PIK3C2G: variants seen among roughly 807,000 people sequenced by gnomAD.
PIK3C2G encodes phosphatidylinositol-4-phosphate 3-kinase catalytic subunit type 2 gamma, also known as phosphatidylinositol 3-kinase C2 domain-containing subunit gamma.
In PIK3C2G, 168 loss-of-function variants were observed where a neutral mutation model predicts 181.1. The observed-to-expected ratio is 0.93, with a 90% CI of 0.82 to 1.05. The LOEUF (loss-of-function observed/expected upper bound fraction) is 1.05. PIK3C2G is among the 50% of genes least tolerant of loss of function. The pLI, the probability that PIK3C2G is intolerant of heterozygous loss-of-function variation, is 0.00. For missense variants in PIK3C2G, 1,869 were observed against 1,732.8 expected (o/e 1.08, Z -1.40); for synonymous variants, 573 against 592.2 (o/e 0.97, Z 0.47).
At chr12:18,361,433 C>A (rs937432351) in intron 11 of PIK3C2G, among the ~76,000 whole-genome samples, 3 of 151,822 alleles carry the variant, frequency 2.0e-5, no homozygotes, top group Non-Finnish European at 4.4e-5. Flanking sequence ...AGGTCATGAT[C>A]CCCTCTTTCT....
At chr12:18,516,652 T>G (rs947315098) in intron 24 of PIK3C2G, among the ~76,000 whole-genome samples, 6 of 152,072 alleles carry the variant, frequency 3.9e-5, no homozygotes, top group Non-Finnish European at 7.4e-5. Context: ...ATAGGTCTTT[T>G]TCACTCTATT....
At chr12:18,300,611 T>C (rs1950135631) in intron 5 of PIK3C2G, among the ~76,000 whole-genome samples, 1 of 152,116 alleles carries the variant, frequency 6.6e-6, no homozygotes, top group South Asian at 2.1e-4. Context: ...TTTCTTTATA[T>C]TCAAGGTTAT....
At chr12:18,698,394 C>T in the PIK3C2G span, among the ~76,000 whole-genome samples, 1,064 of 151,968 alleles carry the variant, frequency 7.0e-3, 12 homozygotes, top group African/African-American at 0.025. Context: ...TTGGTTACAA[C>T]ACACAGGTTA....
intron 29 of PIK3C2G, among the ~76,000 whole-genome samples, chr12:18,577,497 A>G (rs553451961): frequency 1.3e-5 from 2 of 152,284 alleles, no homozygotes; most frequent in South Asian, 2.1e-4. Flanking sequence ...CAGGCACTAC[A>G]TTGTTTTTAT....
At chr12:18,624,597 A>C (rs1015572443) in intron 31 of PIK3C2G, among the ~76,000 whole-genome samples, 5 of 151,572 alleles carry the variant, frequency 3.3e-5, no homozygotes, top group African/African-American at 1.2e-4. Context: ...TTTTTGGCAA[A>C]GTTTGTGGCA....
the PIK3C2G span, among the ~76,000 whole-genome samples, chr12:18,673,003 C>T: frequency 6.6e-5 from 10 of 152,020 alleles, no homozygotes; most frequent in African/African-American, 2.2e-4. Context: ...GTACATGACA[C>T]AAAAGATGGC....
At chr12:18,525,873 A>G (rs1437399777) in intron 24 of PIK3C2G, among the ~76,000 whole-genome samples, 1 of 152,206 alleles carries the variant, frequency 6.6e-6, no homozygotes, top group Non-Finnish European at 1.5e-5. Context: ...ATTTACACCC[A>G]GATGATCAAA....
chr12:18,586,797 CA>C (rs1946806105), intron 29 of PIK3C2G, among the ~76,000 whole-genome samples: 1 of 151,892 alleles, frequency 6.6e-6, no homozygotes, highest in African/African-American at 2.4e-5. Flanking sequence ...AACATTGATT[CA>C]AAGATTCTCA....
chr12:18,496,108 T>C lies in PIK3C2G; in HGVS notation c.2840T>C (p.Phe947Ser). 2 of 1,544,930 alleles carry C rather than the reference T, an allele frequency of 1.3e-6. No individual in the cohort carries two copies. The highest frequency in any genetic ancestry group is 1.7e-6 in the Non-Finnish European group (2 of 1,143,594). The change falls in exon 21 of 33, where the codon TTC (phenylalanine) becomes TCC (serine). Residue 947 changes from phenylalanine (F) to serine (S), a missense_variant. By Grantham distance (155) the Phe-to-Ser change is radical. Coordinates refer to ENST00000538779, the MANE Select transcript of PIK3C2G (RefSeq NM_001288772.2). ...AATGCTTTGCCATTGAAGATTACTT[T>C]CATCAATGCTAATCCGATGGGCAAA... ...TSNALPLKIT[F>S]INANPMGKNI...
chr12:18,595,564 T>TG (rs374219483), intron 30 of PIK3C2G, among the ~76,000 whole-genome samples: 106 of 152,240 alleles, frequency 7.0e-4, no homozygotes, highest in African/African-American at 2.4e-3. Flanking sequence ...AAACATGCCT[T>TG]GGGAGAACAA....
At chr12:18,666,465 G>T in the PIK3C2G span, among the ~76,000 whole-genome samples, 3 of 152,042 alleles carry the variant, frequency 2.0e-5, no homozygotes, top group Non-Finnish European at 4.4e-5. Context: ...CAAGGTGATT[G>T]TTGCACGAGA....
At chr12:18,358,572 C>T (rs1184710286) in intron 11 of PIK3C2G, 3 of 399,816 alleles carry the variant, frequency 7.5e-6, no homozygotes, top group East Asian at 1.3e-4. Context: ...GGCAAAAAGA[C>T]AGGAAAAGAA....
chr12:18,649,876 T>C (rs970092154), downstream of PIK3C2G, among the ~76,000 whole-genome samples: 5 of 152,138 alleles, frequency 3.3e-5, no homozygotes, highest in African/African-American at 1.2e-4. Context: ...CTTCGTTGCC[T>C]TTTTGTTTCT....
At chr12:18,392,016 G>A (rs1415847487) in intron 15 of PIK3C2G, among the ~76,000 whole-genome samples, 2 of 152,064 alleles carry the variant, frequency 1.3e-5, no homozygotes, top group Non-Finnish European at 2.9e-5. Flanking sequence ...TACCTTTGAC[G>A]ACAAGTTGAA....
At chr12:18,548,624 AGTGAGGC>A (rs1944564384) in intron 26 of PIK3C2G, among the ~76,000 whole-genome samples, 1 of 152,064 alleles carries the variant, frequency 6.6e-6, no homozygotes, top group Non-Finnish European at 1.5e-5. Context: ...ACCTCATGGC[AGTGAGGC>A]GGACCTTGTG....
chr12:18,665,582 C>T, the PIK3C2G span, among the ~76,000 whole-genome samples: 5 of 152,052 alleles, frequency 3.3e-5, no homozygotes, highest in South Asian at 2.1e-4. Flanking sequence ...CACCTGAGGT[C>T]GGGAGTTGGA....
At chr12:18,685,645 C>G in the PIK3C2G span, 1 of 516,610 alleles carries the variant, frequency 1.9e-6, no homozygotes, top group Non-Finnish European at 3.9e-6. Context: ...GAATAATGAC[C>G]ATATTACCTT....
intron 14 of PIK3C2G, among the ~76,000 whole-genome samples, chr12:18,384,258 A>G (rs1943032403): frequency 6.6e-6 from 1 of 152,196 alleles, no homozygotes; most frequent in South Asian, 2.1e-4. Context: ...AAGGAAATAT[A>G]TAGGGAAACA....
At chr12:18,521,001 T>C (rs1215012678) in intron 24 of PIK3C2G, among the ~76,000 whole-genome samples, 1 of 152,162 alleles carries the variant, frequency 6.6e-6, no homozygotes, top group Non-Finnish European at 1.5e-5. Flanking sequence ...GTCAGGTCCC[T>C]CTTCTGTAGG....
Sources: gnomAD v4.1 joint callset for allele counts (sites outside exome capture counted in the v4.1 genomes callset) on GRCh38, gnomAD v4.1.1 for gene constraint, MANE v1.5 for transcripts, NCBI Gene and HGNC (gene_info 2026-07-23, HGNC 2026-07-21) for gene names.